ADGRV1: variants seen among roughly 807,000 people sequenced by gnomAD.
ADGRV1 encodes adhesion G protein-coupled receptor V1, also known as G-protein coupled receptor 98.
ADGRV1 carries 359 observed loss-of-function variants against 596.2 expected under a neutral mutation model. The ratio of observed to expected loss-of-function variants is 0.60; its 90% CI spans 0.55 to 0.66. The LOEUF (loss-of-function observed/expected upper bound fraction) is 0.66, where lower values mean the gene tolerates loss of function less well. Among genes scored for constraint, ADGRV1 ranks in the 30% least tolerant of loss-of-function variants. ADGRV1 has a pLI of 0.00. For missense variants in ADGRV1, 7,274 were observed against 7,575.6 expected (o/e 0.96, Z 1.48); for synonymous variants, 2,681 against 2,679.2 (o/e 1.00, Z -0.02).
chr5:90,659,337 A>G (rs1443297558), intron 21 of ADGRV1, among the ~76,000 whole-genome samples: 1 of 152,224 alleles, frequency 6.6e-6, no homozygotes, highest in African/African-American at 2.4e-5. Flanking sequence ...AATCCATAAT[A>G]TAGGTGCGTT....
intron 34 of ADGRV1, among the ~76,000 whole-genome samples, chr5:90,702,343 A>G (rs1178649289): frequency 6.6e-6 from 1 of 151,992 alleles, no homozygotes; most frequent in Non-Finnish European, 1.5e-5. Flanking sequence ...GACATAGTCT[A>G]CTAATGTAAA....
intron 74 of ADGRV1, among the ~76,000 whole-genome samples, chr5:90,813,132 C>CAAAAAAAAAAAAAAAAAAAAAAAAAAAA (rs5869522): frequency 5.7e-5 from 2 of 34,922 alleles, no homozygotes; most frequent in Non-Finnish European, 5.4e-5. Flanking sequence ...GACTCCGTCT[C>CAAAAAAAAAAAAAAAAAAAAAAAAAAAA]AAAAAAAAAA....
intron 30 of ADGRV1, 83 bp from the exon 31 acceptor site, chr5:90,690,714 T>A: frequency 7.5e-7 from 1 of 1,330,610 alleles, no homozygotes; most frequent in Non-Finnish European, 1.0e-6. Context: ...GGGAAGAGAA[T>A]CCACTATAGG....
At chr5:91,030,517 T>C (rs116362328) in intron 85 of ADGRV1, among the ~76,000 whole-genome samples, 1,794 of 152,216 alleles carry the variant, frequency 0.012, 34 homozygotes, top group African/African-American at 0.041. Context: ...TCTTCAATAA[T>C]TTTTGGTCTA....
At position 90,848,826 on chromosome 5, in the gene ADGRV1, G is replaced by A. The variant is rs768725683; in HGVS notation, c.17204+5G>A. The stretch of plus-strand genomic sequence containing the variant: ...TTGCGGCTCTCCTGGTGAAAAGTAA[G>A]TATCTTTTAATATATTAGCAGTACC... On this transcript the variant is annotated splice_donor_5th_base_variant and intron_variant, in intron 79 of 89. Transcript: ENST00000405460. 6.4e-7 allele frequency: 1 copy of A among 1,572,718 alleles called. No individual in the cohort carries two copies. The highest frequency in any genetic ancestry group is 8.6e-7 in the Non-Finnish European group (1 of 1,164,082).
chr5:90,788,066 C>G lies in ADGRV1; in HGVS notation c.13654-5C>G. On this transcript the variant is annotated splice_polypyrimidine_tract_variant and splice_region_variant and intron_variant, in intron 67 of 89. Coordinates refer to ENST00000405460, the MANE Select transcript of ADGRV1 (RefSeq NM_032119.4). Reference sequence around the variant, plus strand: ...AGAAATACCAAAACCAAAAACATCCCGCAGGTGAACTGGGAGACAGTAGGA... The same window carrying G: ...AGAAATACCAAAACCAAAAACATCCGGCAGGTGAACTGGGAGACAGTAGGA... 1 of 1,584,408 alleles carries G rather than the reference C, an allele frequency of 6.3e-7. No individual in the cohort carries two copies. Among genetic ancestry groups the G allele is most frequent in the Non-Finnish European group, 8.6e-7 (1 of 1,166,506 alleles).
chr5:90,763,503 C>T (rs1756743720), intron 59 of ADGRV1, 34 bp downstream of exon 59: 1 of 1,567,124 alleles, frequency 6.4e-7, no homozygotes, highest in Non-Finnish European at 8.7e-7. Flanking sequence ...GTAATTTTTC[C>T]CCAATTTGTC....
In ADGRV1 at chr5:91,163,888, C is replaced by A; in HGVS notation, c.18909C>A (p.Asp6303Glu). The part of the protein sequence containing the change: ...IVELRRIPIA[D>E]THL Reference sequence around the variant, plus strand: ...AGCTCAGGAGGATACCCATCGCCGACACTCACCTGTAGCACCTCACTAACC... The same window carrying A: ...AGCTCAGGAGGATACCCATCGCCGAAACTCACCTGTAGCACCTCACTAACC... The change falls in exon 90 of 90, where the codon GAC (aspartate) becomes GAA (glutamate). Residue 6303 changes from aspartate to glutamate, a missense_variant. Transcript: ENST00000405460. 6.5e-7 allele frequency: 1 copy of A among 1,541,588 alleles called. No individual in the cohort carries two copies. The highest frequency in any genetic ancestry group is 1.7e-5 in the Admixed American group (1 of 59,186).
At position 90,811,351 on chromosome 5, in the gene ADGRV1, A is replaced by G. The variant is rs1762425130; in HGVS notation, c.16078+13A>G. The G allele has an allele frequency of 6.4e-7, 1 of 1,556,162 alleles. No homozygotes were observed. The highest frequency in any genetic ancestry group is 2.3e-5 in the East Asian group (1 of 44,376). The stretch of plus-strand genomic sequence containing the variant: ...GTTATTATTACAGGTATATCTTTGA[A>G]ATGATGGAGATAAAAATATACTTTT... On this transcript the variant is annotated intron_variant, in intron 74 of 89. Coordinates refer to ENST00000405460, the MANE Select transcript of ADGRV1 (RefSeq NM_032119.4).
chr5:90,996,273 C>T (rs1223812917), intron 85 of ADGRV1, among the ~76,000 whole-genome samples: 1 of 152,168 alleles, frequency 6.6e-6, no homozygotes, highest in Non-Finnish European at 1.5e-5. Context: ...CTCAGAGCCC[C>T]ACTGCTCTGT....
In ADGRV1 at chr5:90,558,844, A is replaced by G; in HGVS notation, c.-52A>G. The G allele has an allele frequency of 6.5e-7, 1 of 1,549,266 alleles. No homozygotes were observed. Among genetic ancestry groups the G allele is most frequent in the East Asian group, 2.4e-5 (1 of 41,794 alleles). On this transcript the variant is annotated 5_prime_UTR_variant, in exon 1 of 90. Transcript: ENST00000405460. The stretch of plus-strand genomic sequence containing the variant: ...GGCAAGGAGTACGGACGGGAGTCAG[A>G]GGCAGAGCGAGGGTGTGTGGAGGGC...
chr5:90,583,569 A>T (rs541133155), intron 1 of ADGRV1, among the ~76,000 whole-genome samples: 43 of 152,148 alleles, frequency 2.8e-4, no homozygotes, highest in Non-Finnish European at 6.0e-4. Context: ...TCAGCATAGG[A>T]GATGAATGTA....
At chr5:90,828,830 ATATT>A (rs1764277402) in intron 76 of ADGRV1, 110 bp from the exon 77 acceptor site, 2 of 550,544 alleles carry the variant, frequency 3.6e-6, no homozygotes, top group Non-Finnish European at 5.6e-6. Context: ...CTAGATTTAT[ATATT>A]TATTTCTCTA....
intron 1 of ADGRV1, among the ~76,000 whole-genome samples, chr5:90,585,104 T>C (rs897031049): frequency 6.6e-6 from 1 of 152,196 alleles, no homozygotes; most frequent in Non-Finnish European, 1.5e-5. Flanking sequence ...GAATTTCAAC[T>C]GAAGCACCAA....
At chr5:90,720,517 G>A (rs1289621150) in intron 44 of ADGRV1, among the ~76,000 whole-genome samples, 1 of 152,084 alleles carries the variant, frequency 6.6e-6, no homozygotes, top group Non-Finnish European at 1.5e-5. Context: ...TAAAAAGCAA[G>A]AAATAATAGA....
At chr5:90,861,471 G>A (rs543697347) in intron 82 of ADGRV1, among the ~76,000 whole-genome samples, 5 of 151,848 alleles carry the variant, frequency 3.3e-5, no homozygotes, top group East Asian at 3.9e-4. Flanking sequence ...CACCATGCCC[G>A]GCTGATTTTT....
chr5:90,713,723 T>A (rs184559795), intron 42 of ADGRV1, among the ~76,000 whole-genome samples: 2 of 152,256 alleles, frequency 1.3e-5, no homozygotes, highest in East Asian at 3.9e-4. Context: ...GCATTTCATA[T>A]AACAGGAAAG....
intron 75 of ADGRV1, among the ~76,000 whole-genome samples, chr5:90,816,639 C>A (rs1762925692): frequency 6.7e-6 from 1 of 149,912 alleles, no homozygotes; most frequent in South Asian, 2.1e-4. Flanking sequence ...TCAGTTCCCA[C>A]CTATGAATGA....
At chr5:91,143,509 T>G (rs1029626357) in intron 87 of ADGRV1, among the ~76,000 whole-genome samples, 1 of 152,098 alleles carries the variant, frequency 6.6e-6, no homozygotes, top group African/African-American at 2.4e-5. Flanking sequence ...TCTGCTCAGC[T>G]CTCAGCAGAG....
Sources: allele counts gnomAD v4.1 joint callset (sites outside exome capture counted in the v4.1 genomes callset), GRCh38; gene constraint gnomAD v4.1.1; transcripts MANE v1.5; gene names NCBI Gene and HGNC (gene_info 2026-07-23, HGNC 2026-07-21).